The following COL8A2 variants were observed in gnomAD, a reference collection of about 807,000 sequenced individuals.
COL8A2 encodes collagen type VIII alpha 2 chain, also known as collagen alpha-2(VIII) chain.
COL8A2 carries 16 observed loss-of-function variants against 24.0 expected under a neutral mutation model. That is an observed-to-expected ratio of 0.67 (90% CI 0.45 to 1.01). The LOEUF (loss-of-function observed/expected upper bound fraction) is 1.01. COL8A2 is among the 50% of genes least tolerant of loss of function. The pLI is 0.00. For synonymous variants in COL8A2, 466 were observed against 424.5 expected (o/e 1.10, Z -1.20); for missense variants, 818 against 942.4 (o/e 0.87, Z 1.73).
intron 2 of COL8A2, among the ~76,000 whole-genome samples, chr1:36,110,211 C>T (rs1422355660): frequency 1.4e-5 from 2 of 141,932 alleles, no homozygotes; most frequent in Non-Finnish European, 1.5e-5. Flanking sequence ...GGATTACAGG[C>T]GTGAGCCACC....
chr1:36,115,301 C>A lies in COL8A2; in HGVS notation c.-17+407G>T, dbSNP rs1643873977. 6.6e-6 allele frequency among the ~76,000 whole-genome samples: 1 copy of A among 152,170 alleles called. No individual in the cohort carries two copies. Among genetic ancestry groups the A allele is most frequent in the South Asian group, 2.1e-4 (1 of 4,830 alleles). On this transcript the variant is annotated intron_variant, in intron 2 of 3. Coordinates refer to ENST00000397799, the MANE Select transcript of COL8A2 (RefSeq NM_005202.4). The surrounding 1 kb of genome is among the most constrained non-coding windows in gnomAD (Gnocchi z 5.7). ...TTTGCAGCCTTTTCCGGAGCGCCAC[C>A]CGCCACCCGCTGCCTCCCCACGCCT...
rs752473647 is a variant in COL8A2, at chr1:36,100,125, G to A, written c.118C>T (p.Pro40Ser). ...TGCATGGGCTGGATGTACTTCACTG[G>A]GGCATAGCCCGCCGCCCCACCGGCC... ...GGAGGAAGYA[P>S]VKYIQPMQKG... Residue 40 changes from proline to serine, a missense_variant, in exon 3 of 4, where the codon CCA becomes TCA. This residue lies in a region of COL8A2 where 573 missense variants were observed against 616.8 expected (regional missense o/e 0.93). Transcript: ENST00000397799. 1 of 1,612,876 alleles carries A rather than the reference G, an allele frequency of 6.2e-7. No homozygotes were observed. Among genetic ancestry groups the A allele is most frequent in the South Asian group, 1.1e-5 (1 of 91,064 alleles).
Position 36,117,861 on chromosome 1 carries a change from T to TAAA in COL8A2, c.-61-2112_-61-2110dup, listed in dbSNP as rs201764026. ...GCAACATAGTGATACCCCCATCTCT[T>TAAA]AAAAAAAAAAAAAAAAAGTAGAACC... is the stretch of plus-strand genomic sequence containing the variant. On this transcript the variant is annotated intron_variant, in intron 1 of 3. Transcript: ENST00000397799. 1.8e-3 allele frequency among the ~76,000 whole-genome samples: 243 copies of TAAA among 135,630 alleles called. 2 individuals are homozygous for TAAA. Among genetic ancestry groups the TAAA allele is most frequent in the African/African-American group, 5.5e-3 (205 of 37,038 alleles). 89.0% of individuals were successfully genotyped at this position (135,630 alleles called of 152,430 possible).
At chr1:36,124,646 G>C (rs2124118855) in intron 1 of COL8A2, among the ~76,000 whole-genome samples, 1 of 152,208 alleles carries the variant, frequency 6.6e-6, no homozygotes, top group Middle Eastern at 3.4e-3. Flanking sequence ...GTGAGAGCGG[G>C]GGGATGCTAA....
chr1:36,124,719 T>TACAGGTGG (rs1363079341), intron 1 of COL8A2, among the ~76,000 whole-genome samples: 1 of 152,060 alleles, frequency 6.6e-6, no homozygotes, highest in African/African-American at 2.4e-5. Context: ...ATCCCCACTT[T>TACAGGTGG]ACAGGTGGGA....
intron 2 of COL8A2, among the ~76,000 whole-genome samples, chr1:36,110,711 C>T (rs1428299652): frequency 2.0e-5 from 3 of 152,130 alleles, no homozygotes; most frequent in South Asian, 2.1e-4. Flanking sequence ...AGGCTGGTCT[C>T]GAACGCCTGA....
chr1:36,111,578 G>A (rs1391033888), intron 2 of COL8A2, among the ~76,000 whole-genome samples: 1 of 149,094 alleles, frequency 6.7e-6, no homozygotes, highest in African/African-American at 2.5e-5. Context: ...GAGACAGTCT[G>A]CTCTGTCACC....
At chr1:36,103,658 A>G (rs1203544434) in intron 2 of COL8A2, among the ~76,000 whole-genome samples, 1 of 151,528 alleles carries the variant, frequency 6.6e-6, no homozygotes, top group Non-Finnish European at 1.5e-5. Flanking sequence ...ATCTCAGCTC[A>G]CTGCAACCTC....
At chr1:36,122,696 C>A (rs1194074452) in intron 1 of COL8A2, among the ~76,000 whole-genome samples, 1 of 152,164 alleles carries the variant, frequency 6.6e-6, no homozygotes, top group Non-Finnish European at 1.5e-5. Context: ...TCACCTTTCT[C>A]CTTAAACTCT....
chr1:36,105,149 G>A (rs748826821), intron 2 of COL8A2, among the ~76,000 whole-genome samples: 47 of 152,172 alleles, frequency 3.1e-4, no homozygotes, highest in Non-Finnish European at 5.4e-4. Flanking sequence ...AGGATCACAT[G>A]GAGCTTTGCA....
rs1238334544 is a variant in COL8A2 at position 36,096,662 on chromosome 1, A to G, written c.*907T>C. ...TATTGAGAAAACCAGCCCAGCCCGC[A>G]GCAGGTGGAAGGGGAGAAAGGGAAG... On this transcript the variant is annotated 3_prime_UTR_variant, in exon 4 of 4. Transcript: ENST00000397799. 6.6e-6 allele frequency: 1 copy of G among 152,356 alleles called. No homozygotes were observed. Among genetic ancestry groups the G allele is most frequent in the Non-Finnish European group, 1.5e-5 (1 of 68,144 alleles). The allele number at this position is 152,356 out of a possible 1,614,324, so 9.4% of individuals were successfully genotyped here.
chr1:36,111,161 C>T (rs1643835565), intron 2 of COL8A2, among the ~76,000 whole-genome samples: 1 of 152,170 alleles, frequency 6.6e-6, no homozygotes, highest in South Asian at 2.1e-4. Flanking sequence ...CCCTTGCCCC[C>T]AGTCTCCAGC....
chr1:36,107,890 A>C (rs1643782799), intron 2 of COL8A2, among the ~76,000 whole-genome samples: 2 of 151,922 alleles, frequency 1.3e-5, no homozygotes, highest in South Asian at 4.2e-4. Context: ...GACACCTGGG[A>C]AACTGGCTGG....
At position 36,098,048 on chromosome 1, in the gene COL8A2, G is replaced by T; in HGVS notation, c.1633C>A (p.His545Asn). 1 of 1,587,124 alleles carries T rather than the reference G, an allele frequency of 6.3e-7. No homozygotes were observed. The change falls in exon 4 of 4, where the codon CAC becomes AAC. Residue 545 changes from histidine (H) to asparagine (N), a missense_variant. By Grantham distance (68) the His-to-Asn change is moderately conservative. Coordinates refer to ENST00000397799, the MANE Select transcript of COL8A2 (RefSeq NM_005202.4). ...AFDETGIAGLHLPNGGVEGAV... is the reference protein window; with the variant it reads ...AFDETGIAGLNLPNGGVEGAV... Reference sequence around the variant, plus strand: ...CCCTCCACACCGCCGTTGGGCAGGTGCAAGCCTGCGATGCCAGTCTCATCG... The same window carrying T: ...CCCTCCACACCGCCGTTGGGCAGGTTCAAGCCTGCGATGCCAGTCTCATCG...
rs765995969 is a variant in COL8A2, at chr1:36,098,528, C to T, written c.1153G>A (p.Gly385Arg). ...CGAATGCCAGGCACTCCTGGGGGTC[C>T]TCCAGGCCCTGCCTCACCCTTAGGC... The part of the protein sequence containing the change: ...PGPKGEAGPG[G>R]PPGVPGIRGD... The change falls in exon 4 of 4, where the codon GGA (glycine) becomes AGA (arginine). Residue 385 changes from glycine to arginine, a missense_variant. Physicochemically the swap from Gly to Arg is moderately radical, Grantham distance 125. This residue lies in a region of COL8A2 where 573 missense variants were observed against 616.8 expected (regional missense o/e 0.93). Transcript: ENST00000397799. 6.3e-7 allele frequency: 1 copy of T among 1,596,084 alleles called. No homozygotes were observed. The highest frequency in any genetic ancestry group is 8.5e-7 in the Non-Finnish European group (1 of 1,172,290).
chr1:36,099,289 G>A lies in COL8A2; in HGVS notation c.392C>T (p.Pro131Leu), dbSNP rs1452933132. 7.0e-6 allele frequency: 11 copies of A among 1,562,738 alleles called. No individual in the cohort carries two copies. The highest frequency in any genetic ancestry group is 9.5e-6 in the Non-Finnish European group (11 of 1,154,646). ...CTGCCCTGGTGGCCCGACCTTGCCA[G>A]GGAGCCCTGGGGGACCAGCCTTGCC... ...RMGKAGPPGLPGKVGPPGQPG... is the reference protein window; with the variant it reads ...RMGKAGPPGLLGKVGPPGQPG... The change falls in exon 4 of 4, where the codon CCT becomes CTT. Residue 131 changes from proline (P) to leucine (L), a missense_variant. Physicochemically the swap from Pro to Leu is moderately conservative, Grantham distance 98 (BLOSUM62 -3). This residue lies in a region of COL8A2 where 573 missense variants were observed against 616.8 expected (regional missense o/e 0.93). Transcript: ENST00000397799.
intron 2 of COL8A2, among the ~76,000 whole-genome samples, chr1:36,101,098 T>A (rs1025439498): frequency 1.8e-4 from 28 of 152,238 alleles, no homozygotes; most frequent in African/African-American, 6.3e-4. Context: ...TTCGCCATGT[T>A]GGCCAGGCTG....
chr1:36,122,153 G>A lies in COL8A2; in HGVS notation c.-62+2904C>T, dbSNP rs528815908. 1.1e-4 allele frequency among the ~76,000 whole-genome samples: 16 copies of A among 152,300 alleles called. No individual in the cohort carries two copies. In the South Asian group the frequency reaches 3.1e-3, roughly 30 times the overall value. ...ACACTGATCGGAAGATCTAGGTGCT[G>A]TGCCCCCATTGCATGTGTGACCTGG... On this transcript the variant is annotated intron_variant, in intron 1 of 3. Coordinates refer to ENST00000397799, the MANE Select transcript of COL8A2 (RefSeq NM_005202.4).
At chr1:36,113,596 C>T (rs1643865179) in intron 2 of COL8A2, among the ~76,000 whole-genome samples, 1 of 152,214 alleles carries the variant, frequency 6.6e-6, no homozygotes, top group South Asian at 2.1e-4. Context: ...CAGATAAGGA[C>T]TGCCCCAAAG....
Sources: gnomAD v4.1 joint callset for allele counts (sites outside exome capture counted in the v4.1 genomes callset) on GRCh38, gnomAD v4.1.1 for gene constraint, gnomAD v4.1.1 regional missense constraint, Gnocchi (gnomAD v3.1) non-coding constraint, MANE v1.5 for transcripts, NCBI Gene and HGNC (gene_info 2026-07-23, HGNC 2026-07-21) for gene names.